The following POLD3 variants were observed in gnomAD, a reference collection of about 807,000 sequenced individuals.
POLD3 encodes the protein DNA polymerase delta subunit 3.
In POLD3, 19 loss-of-function variants were observed where a neutral mutation model predicts 58.2. That is an observed-to-expected ratio of 0.33 (90% confidence interval 0.23 to 0.48). POLD3 has a LOEUF of 0.48. POLD3 is among the 20% of genes least tolerant of loss of function. The pLI is 0.99. For synonymous variants in POLD3, 172 were observed against 193.5 expected (o/e 0.89, Z 0.92); for missense variants, 504 against 545.5 (o/e 0.92, Z 0.76).
At chr11:74,634,781 C>A in intron 10 of POLD3, 86 bp downstream of exon 10, 1 of 772,846 alleles carries the variant, frequency 1.3e-6, no homozygotes, top group Non-Finnish European at 2.3e-6. Context: ...AGTTCCCTTG[C>A]TGTATACTTC....
chr11:74,661,671 C>T (rs1027417111), intron 4 of POLD3, among the ~76,000 whole-genome samples: 5 of 152,114 alleles, frequency 3.3e-5, no homozygotes, highest in Non-Finnish European at 5.9e-5. Context: ...CCCAAGACCC[C>T]GTTAGCCTCT....
At chr11:74,599,414 G>A (rs61901538) in intron 2 of POLD3, among the ~76,000 whole-genome samples, 42,122 of 148,282 alleles carry the variant, frequency 0.28, 6,017 homozygotes, top group Middle Eastern at 0.38. Flanking sequence ...TGCCTAGGCC[G>A]GAGTGCAGTG....
chr11:74,634,293 A>G (rs553681112), intron 9 of POLD3, among the ~76,000 whole-genome samples: 1 of 152,390 alleles, frequency 6.6e-6, no homozygotes, highest in Admixed American at 6.5e-5. Flanking sequence ...ATGAAAGGCG[A>G]TAAGTGGATA....
intron 2 of POLD3, among the ~76,000 whole-genome samples, chr11:74,601,542 T>C (rs1232859010): frequency 6.6e-6 from 1 of 152,158 alleles, no homozygotes; most frequent in African/African-American, 2.4e-5. Flanking sequence ...ATCCTAGCAT[T>C]TTGAGAGGCC....
chr11:74,639,828 G>A (rs928162204), intron 11 of POLD3, among the ~76,000 whole-genome samples: 6 of 152,210 alleles, frequency 3.9e-5, no homozygotes, highest in Non-Finnish European at 8.8e-5. Context: ...TAGGGAGTAA[G>A]AAAACTGGTA....
At position 74,629,372 on chromosome 11, in the gene POLD3, A is replaced by G. The variant is rs368231200; in HGVS notation, c.1006+49A>G. The stretch of plus-strand genomic sequence containing the variant: ...GTTAGGGGGATCAATTTTACTTTCA[A>G]TGTTCAAGGAGCTAAAAAAGTAATG... On this transcript the variant is annotated intron_variant, in intron 9 of 11. Coordinates refer to ENST00000263681, the MANE Select transcript of POLD3 (RefSeq NM_006591.3). 5.1e-4 allele frequency: 519 copies of G among 1,016,420 alleles called. 1 individual carries two copies. The highest frequency in any genetic ancestry group is 6.9e-4 in the Non-Finnish European group (459 of 665,114). 63.0% of individuals were successfully genotyped at this position (1,016,420 alleles called of 1,614,324 possible).
intron 4 of POLD3, among the ~76,000 whole-genome samples, chr11:74,648,630 T>G (rs533246748): frequency 3.6e-4 from 55 of 152,114 alleles, no homozygotes; most frequent in Non-Finnish European, 6.3e-4. Context: ...ACAGACTGTT[T>G]AGAGAGTTGT....
At chr11:74,618,870 G>T in intron 6 of POLD3, 66 bp downstream of exon 6, 1 of 1,314,446 alleles carries the variant, frequency 7.6e-7, no homozygotes, top group Non-Finnish European at 1.1e-6. Context: ...AGCATTAATG[G>T]TTGCAGTGGT....
At chr11:74,664,123 C>T (rs1185835373) in intron 4 of POLD3, among the ~76,000 whole-genome samples, 2 of 152,078 alleles carry the variant, frequency 1.3e-5, no homozygotes, top group African/African-American at 4.8e-5. Context: ...TAAAATCAAA[C>T]GGTGGCAACA....
Position 74,642,294 on chromosome 11 carries a change from G to A in POLD3, c.*1528G>A, listed in dbSNP as rs2032933698. On this transcript the variant is annotated 3_prime_UTR_variant, in exon 12 of 12. Coordinates refer to ENST00000263681, the MANE Select transcript of POLD3 (RefSeq NM_006591.3). ...GCTTTGTATAGCAAGCTGAGTAAAG[G>A]TTGACATATTCCAAAACCCTTCTTT... 2 of 985,174 alleles carry A rather than the reference G, an allele frequency of 2.0e-6. No homozygotes were observed. The highest frequency in any genetic ancestry group is 1.7e-5 in the African/African-American group (1 of 57,224). 61.0% of individuals were successfully genotyped at this position (985,174 alleles called of 1,614,324 possible).
chr11:74,593,576 T>C (rs2031113349), intron 1 of POLD3, among the ~76,000 whole-genome samples: 1 of 152,218 alleles, frequency 6.6e-6, no homozygotes, highest in Non-Finnish European at 1.5e-5. Flanking sequence ...CCCAATCTAA[T>C]CTCTTATAAA....
chr11:74,604,693 A>G lies in POLD3; in HGVS notation c.118A>G (p.Met40Val), dbSNP rs769494254. Residue 40 changes from methionine (M) to valine (V), a missense_variant and splice_region_variant, in exon 3 of 12, where the codon ATG becomes GTG. Physicochemically the swap from Met to Val is conservative, Grantham distance 21. Transcript: ENST00000263681. ...TGTGCCTTCTTTTCTTTGGAATAGG[A>G]TGCTGTATGATTATGTTGAAAGGAA... is the stretch of plus-strand genomic sequence containing the variant. ...LGVHVNQAKQ[M>V]LYDYVERKRK... 1 of 1,554,876 alleles carries G rather than the reference A, an allele frequency of 6.4e-7. No individual in the cohort carries two copies. The highest frequency in any genetic ancestry group is 8.9e-7 in the Non-Finnish European group (1 of 1,126,032).
intron 6 of POLD3, 69 bp downstream of exon 6, chr11:74,618,873 G>T (rs1183800825): frequency 1.5e-6 from 2 of 1,294,908 alleles, no homozygotes; most frequent in East Asian, 4.8e-5. Context: ...ATTAATGGTT[G>T]CAGTGGTAGT....
downstream of POLD3, among the ~76,000 whole-genome samples, chr11:74,643,651 T>C (rs1447852434): frequency 6.6e-6 from 1 of 152,162 alleles, no homozygotes; most frequent in Middle Eastern, 3.2e-3. Flanking sequence ...AGGTGGGCTG[T>C]AGAACTTGAG....
At chr11:74,595,256 C>T (rs2031196290) in intron 2 of POLD3, 1 of 150,512 alleles carries the variant, frequency 6.6e-6, no homozygotes, top group South Asian at 2.1e-4. Context: ...CTCAGCCTAC[C>T]AACTAGCTCT....
At chr11:74,632,849 A>G (rs1464394792) in intron 9 of POLD3, among the ~76,000 whole-genome samples, 1 of 140,644 alleles carries the variant, frequency 7.1e-6, no homozygotes, top group Non-Finnish European at 1.5e-5. Context: ...TAGTTCAGAA[A>G]GTGGTGGTTT....
intron 1 of POLD3, 75 bp from the exon 2 acceptor site, chr11:74,593,986 G>T: frequency 1.3e-6 from 1 of 778,048 alleles, no homozygotes; most frequent in Non-Finnish European, 2.3e-6. Flanking sequence ...GGAATCTTTA[G>T]CAACAGACCT....
downstream of POLD3, among the ~76,000 whole-genome samples, chr11:74,644,911 A>T (rs1192618486): frequency 6.6e-6 from 1 of 152,186 alleles, no homozygotes; most frequent in African/African-American, 2.4e-5. Flanking sequence ...CTCTTGAAGA[A>T]TGGAAAAACT....
At chr11:74,652,675 A>G (rs1374463025) in intron 4 of POLD3, 2 of 152,340 alleles carry the variant, frequency 1.3e-5, no homozygotes, top group East Asian at 3.8e-4. Context: ...GTGAAGGCAA[A>G]CTCTATTGTA....
Sources: allele counts gnomAD v4.1 joint callset (sites outside exome capture counted in the v4.1 genomes callset), GRCh38; gene constraint gnomAD v4.1.1; transcripts MANE v1.5; gene names NCBI Gene and HGNC (gene_info 2026-07-23, HGNC 2026-07-21).